CEP57L1: variants seen among roughly 807,000 people sequenced by gnomAD.
CEP57L1 encodes centrosomal protein 57 like 1.
Under a neutral mutation model 61.0 loss-of-function variants are expected in CEP57L1, and 37 were observed. That is an observed-to-expected ratio of 0.61 (90% CI 0.47 to 0.80). CEP57L1 has a LOEUF of 0.80. CEP57L1 is among the 30% of genes least tolerant of loss of function. The pLI is 0.00. For missense variants in CEP57L1, 422 were observed against 524.7 expected (o/e 0.80, Z 1.91); for synonymous variants, 137 against 162.3 (o/e 0.84, Z 1.19).
chr6:109,141,737 G>A (rs1274007547), intron 1 of CEP57L1, among the ~76,000 whole-genome samples: 1 of 151,736 alleles, frequency 6.6e-6, no homozygotes, highest in East Asian at 1.9e-4. Flanking sequence ...ATAAGTTATA[G>A]TACTTCCTAA....
rs138334254 is a variant in CEP57L1, at chr6:109,136,492, G to A, written c.-3-8727G>A. 2.9e-3 allele frequency among the ~76,000 whole-genome samples: 427 copies of A among 148,404 alleles called. 2 individuals carry two copies. The highest frequency in any genetic ancestry group is 1.0e-2 in the African/African-American group (402 of 40,282). On this transcript the variant is annotated intron_variant, in intron 1 of 10. Coordinates refer to ENST00000517392, the MANE Select transcript of CEP57L1 (RefSeq NM_001271852.3). Reference sequence around the variant, plus strand: ...TGACGAGTTAATGGGTGCAGCCCACGAACATGGCACATGTATACATATGTA... The same window carrying A: ...TGACGAGTTAATGGGTGCAGCCCACAAACATGGCACATGTATACATATGTA...
chr6:109,132,001 A>G (rs905838007), intron 1 of CEP57L1, among the ~76,000 whole-genome samples: 9 of 152,152 alleles, frequency 5.9e-5, no homozygotes, highest in African/African-American at 1.7e-4. Context: ...TTAGAATGAC[A>G]CTGCCTAGCT....
rs1394650777 is a variant in CEP57L1, at chr6:109,150,173, A to G, written c.396A>G (p.Gln132=). The G allele has an allele frequency of 1.2e-6, 2 of 1,608,900 alleles. No homozygotes were observed. The highest frequency in any genetic ancestry group is 1.7e-6 in the Non-Finnish European group (2 of 1,175,588). ...AQSRCTLLEK[Q]LEYTKRMVLN... is the part of the protein sequence containing the mutation. ...CTCGTTGTACTCTTCTAGAGAAGCA[A>G]CTAGAATATACAAAGAGAATGGTTC... is the stretch of plus-strand genomic sequence containing the variant. Residue 132 remains glutamine (Q), a synonymous_variant, in exon 4 of 11, where the codon CAA becomes CAG. Transcript: ENST00000517392.
At chr6:109,099,073 A>G (rs532839943) in intron 1 of CEP57L1, among the ~76,000 whole-genome samples, 9 of 152,310 alleles carry the variant, frequency 5.9e-5, no homozygotes, top group Non-Finnish European at 8.8e-5. Flanking sequence ...AAAGGTTGGT[A>G]TTTTAGCTTG....
chr6:109,150,576 C>T (rs968681250), intron 4 of CEP57L1, among the ~76,000 whole-genome samples: 12 of 151,394 alleles, frequency 7.9e-5, no homozygotes, highest in Non-Finnish European at 1.3e-4. Context: ...GCAGGAGAAT[C>T]GCTTGAACCC....
At chr6:109,120,984 G>A (rs1360842279) in intron 1 of CEP57L1, among the ~76,000 whole-genome samples, 1 of 149,926 alleles carries the variant, frequency 6.7e-6, no homozygotes, top group Non-Finnish European at 1.5e-5. Context: ...GCAAACATTT[G>A]CTCTGGGGGT....
chr6:109,112,786 G>A (rs1211556356), intron 1 of CEP57L1, among the ~76,000 whole-genome samples: 2 of 152,132 alleles, frequency 1.3e-5, no homozygotes, highest in East Asian at 3.9e-4. Flanking sequence ...TTATTCGGGA[G>A]CAGGTTATTC....
rs1001452323 is a variant in CEP57L1 at position 109,173,644 on chromosome 6, G to A, written c.*10674G>A. ...TGAGGAGACGCGGTCTCACTTTGCTGCCCAGGCTGGTCTCAAACTCTGGGC... is the reference window on the plus strand; with the variant it reads ...TGAGGAGACGCGGTCTCACTTTGCTACCCAGGCTGGTCTCAAACTCTGGGC... On this transcript the variant is annotated 3_prime_UTR_variant, in exon 11 of 11. Coordinates refer to ENST00000517392, the MANE Select transcript of CEP57L1 (RefSeq NM_001271852.3). Among the ~76,000 whole-genome samples, 114 of 149,820 alleles carry A rather than the reference G, an allele frequency of 7.6e-4. No individual in the cohort carries two copies. The highest frequency in any genetic ancestry group is 2.6e-3 in the African/African-American group (108 of 40,768).
In CEP57L1 at chr6:109,171,387, C is replaced by T. The variant is rs775778604; in HGVS notation, c.*8417C>T. On this transcript the variant is annotated 3_prime_UTR_variant, in exon 11 of 11. Transcript: ENST00000517392. Reference sequence around the variant, plus strand: ...CCAAGTAGCTGGGATTACAGGCATGCGTCACCACACCCGGCTGTTTTTTTT... The same window carrying T: ...CCAAGTAGCTGGGATTACAGGCATGTGTCACCACACCCGGCTGTTTTTTTT... Among the ~76,000 whole-genome samples, 11 of 151,258 alleles carry T rather than the reference C, an allele frequency of 7.3e-5. No individual in the cohort carries two copies. Among genetic ancestry groups the T allele is most frequent in the Non-Finnish European group, 1.6e-4 (11 of 67,880 alleles).
chr6:109,139,852 G>A lies in CEP57L1; in HGVS notation c.-3-5367G>A, dbSNP rs56775985. On this transcript the variant is annotated intron_variant, in intron 1 of 10. Transcript: ENST00000517392. ...TCACGATGTTGGCCAGGCTGGTCTC[G>A]AACTCTTGACCTCAAATGATCCACC... Among the ~76,000 whole-genome samples, 1,032 of 152,066 alleles carry A rather than the reference G, an allele frequency of 6.8e-3. 11 individuals are homozygous for A. The highest frequency in any genetic ancestry group is 0.023 in the African/African-American group (962 of 41,492).
chr6:109,141,455 C>T (rs1217311433), intron 1 of CEP57L1, among the ~76,000 whole-genome samples: 11 of 151,890 alleles, frequency 7.2e-5, no homozygotes, highest in African/African-American at 2.2e-4. Flanking sequence ...CCTCATGATC[C>T]GCCCACCTCT....
chr6:109,134,439 G>A (rs1040497360), intron 1 of CEP57L1, among the ~76,000 whole-genome samples: 18 of 152,072 alleles, frequency 1.2e-4, no homozygotes, highest in African/African-American at 2.7e-4. Context: ...ATTTATGACA[G>A]ACCCACAGCC....
chr6:109,146,619 A>AT, intron 2 of CEP57L1, 139 bp from the exon 3 acceptor site: 1 of 563,256 alleles, frequency 1.8e-6, no homozygotes. Flanking sequence ...ATTATTTTTC[A>AT]TTTTTTGAAG....
At chr6:109,107,996 A>G (rs1456774509) in intron 1 of CEP57L1, among the ~76,000 whole-genome samples, 1 of 152,180 alleles carries the variant, frequency 6.6e-6, no homozygotes, top group African/African-American at 2.4e-5. Context: ...CTCTTTTAAT[A>G]GAATTTTAGA....
At chr6:109,100,755 A>T (rs1315895528) in intron 1 of CEP57L1, among the ~76,000 whole-genome samples, 1 of 151,992 alleles carries the variant, frequency 6.6e-6, no homozygotes, top group Non-Finnish European at 1.5e-5. Context: ...GTCACATAAA[A>T]TTTTATTTAA....
In CEP57L1 at chr6:109,171,535, G is replaced by A. The variant is rs983952974; in HGVS notation, c.*8565G>A. ...GCTGGGATTACAGGTGTGAGCCACC[G>A]CGCCCTGCCTAGAGTTTGATTCTCT... On this transcript the variant is annotated 3_prime_UTR_variant, in exon 11 of 11. Coordinates refer to ENST00000517392, the MANE Select transcript of CEP57L1 (RefSeq NM_001271852.3). Among the ~76,000 whole-genome samples the A allele has an allele frequency of 1.1e-4, 17 of 151,850 alleles. No individual in the cohort carries two copies. Among genetic ancestry groups the A allele is most frequent in the Admixed American group, 9.2e-4 (14 of 15,218 alleles).
At chr6:109,133,764 T>C (rs1339861101) in intron 1 of CEP57L1, among the ~76,000 whole-genome samples, 1 of 152,094 alleles carries the variant, frequency 6.6e-6, no homozygotes, top group Non-Finnish European at 1.5e-5. Flanking sequence ...CAAACTGCCA[T>C]CAGAGAATAC....
At chr6:109,106,953 A>G (rs1771011358) in intron 1 of CEP57L1, among the ~76,000 whole-genome samples, 1 of 152,164 alleles carries the variant, frequency 6.6e-6, no homozygotes, top group Non-Finnish European at 1.5e-5. Context: ...AAACTAACGA[A>G]ATAAAATTAA....
intron 7 of CEP57L1, 129 bp downstream of exon 7, chr6:109,156,006 G>A (rs191967920): frequency 1.5e-3 from 762 of 504,482 alleles, no homozygotes; most frequent in African/African-American, 2.5e-3. Flanking sequence ...GCAATAATGC[G>A]TGTCAAGTAA....
Sources: gnomAD v4.1 joint callset for allele counts (sites outside exome capture counted in the v4.1 genomes callset) on GRCh38, gnomAD v4.1.1 for gene constraint, MANE v1.5 for transcripts, NCBI Gene and HGNC (gene_info 2026-07-23, HGNC 2026-07-21) for gene names.